Variants in PLXDC1 observed in about 807,000 individuals in gnomAD.
PLXDC1 encodes plexin domain containing 1.
PLXDC1 carries 39 observed loss-of-function variants against 61.3 expected under a neutral mutation model. The ratio of observed to expected loss-of-function variants is 0.64; its 90% CI spans 0.49 to 0.83. The LOEUF is 0.83. PLXDC1 is among the 40% of genes least tolerant of loss of function. PLXDC1 has a pLI of 0.00. For missense variants in PLXDC1, 596 were observed against 666.5 expected (o/e 0.89, Z 1.17); for synonymous variants, 212 against 254.5 (o/e 0.83, Z 1.59).
chr17:39,142,737 T>A (rs1049316889), intron 1 of PLXDC1, among the ~76,000 whole-genome samples: 3 of 152,238 alleles, frequency 2.0e-5, no homozygotes, highest in African/African-American at 7.2e-5. Context: ...TTTCACCATG[T>A]TGCCTACACT....
chr17:39,099,178 C>T (rs1263679278), intron 7 of PLXDC1, among the ~76,000 whole-genome samples: 1 of 152,094 alleles, frequency 6.6e-6, no homozygotes, highest in African/African-American at 2.4e-5. Context: ...TCCTCCTGAT[C>T]CTGCAGAGCA....
At chr17:39,106,157 G>A (rs944248189) in intron 6 of PLXDC1, among the ~76,000 whole-genome samples, 10 of 151,952 alleles carry the variant, frequency 6.6e-5, no homozygotes, top group African/African-American at 1.2e-4. Flanking sequence ...CCTCTGTCTC[G>A]GTGAATGGCA....
At chr17:39,136,925 A>C (rs1298061833) in intron 2 of PLXDC1, among the ~76,000 whole-genome samples, 2 of 152,218 alleles carry the variant, frequency 1.3e-5, no homozygotes, top group Non-Finnish European at 2.9e-5. Context: ...GAAAAAATTG[A>C]AGGATCACTT....
At chr17:39,111,151 C>T (rs1428334737) in intron 2 of PLXDC1, among the ~76,000 whole-genome samples, 1 of 152,144 alleles carries the variant, frequency 6.6e-6, no homozygotes, top group Non-Finnish European at 1.5e-5. Context: ...ACCCCCCAGA[C>T]CAGACTCCCC....
chr17:39,152,190 C>G (rs943823099), upstream of PLXDC1, among the ~76,000 whole-genome samples: 1 of 151,196 alleles, frequency 6.6e-6, no homozygotes, highest in African/African-American at 2.4e-5. Flanking sequence ...CTCCACCCCC[C>G]ATTTCCAGCA....
rs141488461 is a variant in PLXDC1, at chr17:39,145,642, G to T, written c.76+5720C>A. Among the ~76,000 whole-genome samples, 510 of 152,282 alleles carry T rather than the reference G, an allele frequency of 3.3e-3. 2 individuals are homozygous for T. The highest frequency in any genetic ancestry group is 9.3e-3 in the Admixed American group (142 of 15,302). ...AGAGGAGAAGAGAAAGGAGGCGAGG[G>T]GAGGGGAGGGAAGGGAGAGCATCTT... On this transcript the variant is annotated intron_variant, in intron 1 of 13. Coordinates refer to ENST00000315392, the MANE Select transcript of PLXDC1 (RefSeq NM_020405.5).
Position 39,146,997 on chromosome 17 carries a change from C to G in PLXDC1, c.76+4365G>C, listed in dbSNP as rs182734036. Among the ~76,000 whole-genome samples the G allele has an allele frequency of 5.5e-3, 815 of 147,288 alleles. 14 individuals carry two copies. The highest frequency in any genetic ancestry group is 0.02 in the African/African-American group (769 of 39,212). ...TTGAGACGGAGTCTCGCTCTGTCAC[C>G]CAGGCTGGAGTGTAGTGGCACGATC... On this transcript the variant is annotated intron_variant, in intron 1 of 13. Coordinates refer to ENST00000315392, the MANE Select transcript of PLXDC1 (RefSeq NM_020405.5).
intron 7 of PLXDC1, among the ~76,000 whole-genome samples, chr17:39,089,721 G>T (rs974884715): frequency 6.6e-6 from 1 of 152,190 alleles, no homozygotes; most frequent in African/African-American, 2.4e-5. Context: ...CCGTGCCACT[G>T]CTGGGTGCCC....
chr17:39,098,688 G>A (rs544555830), intron 7 of PLXDC1, among the ~76,000 whole-genome samples: 104 of 152,312 alleles, frequency 6.8e-4, no homozygotes, highest in African/African-American at 2.3e-3. Flanking sequence ...ACTGCATGGC[G>A]GAGTGGTTAC....
intron 1 of PLXDC1, among the ~76,000 whole-genome samples, chr17:39,149,780 C>T (rs1418204501): frequency 6.6e-6 from 1 of 152,132 alleles, no homozygotes; most frequent in Non-Finnish European, 1.5e-5. Flanking sequence ...CAGCCCTCTC[C>T]GTGGTTCACA....
chr17:39,087,288 G>T (rs1402104915), intron 8 of PLXDC1, among the ~76,000 whole-genome samples: 2 of 152,200 alleles, frequency 1.3e-5, no homozygotes, highest in Admixed American at 6.5e-5. Context: ...GTTCTCAGAG[G>T]TACAGCTTTC....
intron 6 of PLXDC1, among the ~76,000 whole-genome samples, chr17:39,106,648 C>CTTTTTTTTTTTTTTTTTTT (rs199666120): frequency 8.2e-6 from 1 of 122,592 alleles, no homozygotes; most frequent in Non-Finnish European, 1.7e-5. Context: ...TTTTCTTTTT[C>CTTTTTTTTTTTTTTTTTTT]TTTCTTTTTT....
chr17:39,152,410 G>A (rs1354167526), upstream of PLXDC1: 1 of 813,952 alleles, frequency 1.2e-6, no homozygotes, highest in East Asian at 3.4e-5. Context: ...ACCACCTTCT[G>A]ACAGGCTCTG....
Position 39,087,685 on chromosome 17 carries a change from T to C in PLXDC1, c.829A>G (p.Ile277Val), listed in dbSNP as rs139074225. Residue 277 changes from isoleucine (I) to valine (V), a missense_variant, in exon 8 of 14, where the codon ATC becomes GTC. By Grantham distance (29) the Ile-to-Val change is conservative (BLOSUM62 3). Coordinates refer to ENST00000315392, the MANE Select transcript of PLXDC1 (RefSeq NM_020405.5). ...PDVPESRRRSIFEYHRIELDP... is the reference protein window; with the variant it reads ...PDVPESRRRSVFEYHRIELDP... ...AGCTCTATGCGGTGATATTCAAAGA[T>C]GCTCCTTCGCCGAGATTCTGAAACA... 103 of 1,613,830 alleles carry C rather than the reference T, an allele frequency of 6.4e-5. 1 individual carries two copies. In the African/African-American group the frequency reaches 1.3e-3, roughly 21 times the overall value.
chr17:39,128,882 C>T (rs559273171), intron 2 of PLXDC1, among the ~76,000 whole-genome samples: 164 of 152,126 alleles, frequency 1.1e-3, no homozygotes, highest in South Asian at 3.1e-3. Flanking sequence ...TGGTGGCACG[C>T]GCCTGTAGTG....
intron 1 of PLXDC1, among the ~76,000 whole-genome samples, chr17:39,143,462 G>A (rs545676827): frequency 2.6e-5 from 4 of 152,296 alleles, no homozygotes; most frequent in East Asian, 3.9e-4. Flanking sequence ...AGTTCCCCCA[G>A]GATTCTCTCC....
At chr17:39,118,976 C>T (rs369602732) in intron 2 of PLXDC1, among the ~76,000 whole-genome samples, 48 of 152,336 alleles carry the variant, frequency 3.2e-4, no homozygotes, top group African/African-American at 1.0e-3. Flanking sequence ...CTGCAGAAGA[C>T]TTCTGATCCA....
chr17:39,113,110 C>T (rs750800916), intron 2 of PLXDC1: 12 of 152,076 alleles, frequency 7.9e-5, no homozygotes, highest in Non-Finnish European at 1.6e-4. Context: ...GATACAGAGT[C>T]GCAGAGGAGA....
intron 11 of PLXDC1, among the ~76,000 whole-genome samples, chr17:39,076,011 G>A (rs1024406841): frequency 2.0e-5 from 3 of 148,590 alleles, no homozygotes; most frequent in Non-Finnish European, 3.0e-5. Flanking sequence ...CTGGGAGGCA[G>A]AGGTTGCAGT....
Sources: allele counts gnomAD v4.1 joint callset (sites outside exome capture counted in the v4.1 genomes callset), GRCh38; gene constraint gnomAD v4.1.1; transcripts MANE v1.5; gene names NCBI Gene and HGNC (gene_info 2026-07-23, HGNC 2026-07-21).